DNAJC3: variants seen among roughly 807,000 people sequenced by gnomAD.
DNAJC3 encodes DnaJ heat shock protein family (Hsp40) member C3, also known as dnaJ homolog subfamily C member 3.
In DNAJC3, 38 loss-of-function variants were observed where a neutral mutation model predicts 68.6. That is an observed-to-expected ratio of 0.55 (90% CI 0.43 to 0.73). DNAJC3 has a LOEUF of 0.73. DNAJC3 is among the 30% of genes least tolerant of loss of function. The pLI is 0.00. For missense variants in DNAJC3, 526 were observed against 591.9 expected (o/e 0.89, Z 1.16); for synonymous variants, 203 against 204.0 (o/e 1.00, Z 0.04).
chr13:95,719,482 C>G (rs1881252407), intron 2 of DNAJC3, among the ~76,000 whole-genome samples: 1 of 152,164 alleles, frequency 6.6e-6, no homozygotes, highest in Admixed American at 6.5e-5. Flanking sequence ...ACTCAAAGTT[C>G]CAACCTTTTC....
intron 9 of DNAJC3, among the ~76,000 whole-genome samples, chr13:95,766,081 A>C (rs1019913474): frequency 3.9e-5 from 6 of 152,194 alleles, no homozygotes; most frequent in Admixed American, 1.3e-4. Context: ...AATCTTACTT[A>C]GCTAAATAAC....
At chr13:95,716,021 G>T (rs1881133646) in intron 2 of DNAJC3, among the ~76,000 whole-genome samples, 1 of 151,958 alleles carries the variant, frequency 6.6e-6, no homozygotes, top group Non-Finnish European at 1.5e-5. Flanking sequence ...AACCGGGCGT[G>T]GTGGCAGGTG....
intron 4 of DNAJC3, among the ~76,000 whole-genome samples, chr13:95,748,094 TG>T (rs2139664419): frequency 6.6e-6 from 1 of 152,336 alleles, no homozygotes; most frequent in Admixed American, 6.5e-5. Context: ...TGGTCTTCAT[TG>T]TTTACTATAT....
intron 2 of DNAJC3, among the ~76,000 whole-genome samples, chr13:95,719,684 T>C (rs1881258140): frequency 6.6e-6 from 1 of 152,232 alleles, no homozygotes; most frequent in African/African-American, 2.4e-5. Context: ...AGATTCCTTA[T>C]TTATGTAGAT....
chr13:95,749,339 G>A (rs1197783337), intron 4 of DNAJC3, among the ~76,000 whole-genome samples: 1 of 152,184 alleles, frequency 6.6e-6, no homozygotes, highest in Non-Finnish European at 1.5e-5. Context: ...CTGATGGTAA[G>A]ACTCCATCAA....
chr13:95,788,474 A>ACTAT (rs1423170233), intron 11 of DNAJC3, among the ~76,000 whole-genome samples: 15 of 152,240 alleles, frequency 9.9e-5, no homozygotes, highest in African/African-American at 3.6e-4. Context: ...TTCAGGATGA[A>ACTAT]CTATCTTTTC....
rs1229484950 is a variant in DNAJC3, at chr13:95,791,390, TACA to T, written c.*362_*364del. On this transcript the variant is annotated 3_prime_UTR_variant, in exon 12 of 12. Transcript: ENST00000602402. ...CAGCCTTGCAGAGTAAGTCAGTGCC[TACA>T]AGTGTAAGAAGGAGCTGTAATCTTC... 1.9e-5 allele frequency: 5 copies of T among 259,906 alleles called. No homozygotes were observed. Among genetic ancestry groups the T allele is most frequent in the South Asian group, 8.5e-5 (2 of 23,576 alleles). 16.1% of individuals were successfully genotyped at this position (259,906 alleles called of 1,614,324 possible).
intron 4 of DNAJC3, chr13:95,742,687 A>G (rs762227952): frequency 1.9e-6 from 1 of 518,902 alleles, no homozygotes; most frequent in East Asian, 5.5e-5. Flanking sequence ...TAGATGATCT[A>G]TACTTGCTAT....
chr13:95,727,664 C>T (rs765032608), intron 4 of DNAJC3, among the ~76,000 whole-genome samples: 4 of 152,058 alleles, frequency 2.6e-5, no homozygotes, highest in Admixed American at 6.6e-5. Flanking sequence ...TGAATTTATC[C>T]GTAGTGTAAA....
At chr13:95,709,396 CT>C (rs1054630445) in intron 2 of DNAJC3, 59 bp downstream of exon 2, 3 of 1,164,640 alleles carry the variant, frequency 2.6e-6, no homozygotes, top group Non-Finnish European at 2.4e-6. Context: ...AGTAATAGCT[CT>C]TTTTTTAAAA....
At chr13:95,686,682 G>T (rs1423388586) in intron 1 of DNAJC3, among the ~76,000 whole-genome samples, 1 of 152,102 alleles carries the variant, frequency 6.6e-6, no homozygotes, top group Non-Finnish European at 1.5e-5. Context: ...CAATCTGTTG[G>T]ATGTAAGTAT....
intron 9 of DNAJC3, among the ~76,000 whole-genome samples, chr13:95,779,743 G>A (rs907568289): frequency 3.3e-5 from 5 of 152,066 alleles, no homozygotes; most frequent in African/African-American, 7.2e-5. Context: ...GGAAGTGATT[G>A]GATTAAGTTA....
intron 1 of DNAJC3, among the ~76,000 whole-genome samples, chr13:95,696,693 A>G (rs1880449364): frequency 6.6e-6 from 1 of 151,198 alleles, no homozygotes; most frequent in African/African-American, 2.4e-5. Flanking sequence ...CTTTGAGTCT[A>G]TAGGTGTCTT....
chr13:95,726,109 A>G (rs936937246), intron 4 of DNAJC3, among the ~76,000 whole-genome samples: 66 of 151,854 alleles, frequency 4.3e-4, no homozygotes, highest in African/African-American at 1.4e-3. Context: ...AGTCTTTGCT[A>G]TTGTGAATAG....
intron 1 of DNAJC3, among the ~76,000 whole-genome samples, chr13:95,682,453 G>A (rs771978298): frequency 2.6e-5 from 4 of 151,934 alleles, no homozygotes; most frequent in East Asian, 1.9e-4. Flanking sequence ...TGTAACTCAC[G>A]TCATACCTTT....
intron 4 of DNAJC3, among the ~76,000 whole-genome samples, chr13:95,754,932 A>G (rs1882606496): frequency 6.6e-6 from 1 of 152,198 alleles, no homozygotes. Flanking sequence ...CTCAGTGACC[A>G]GGATACATAG....
intron 6 of DNAJC3, 136 bp from the exon 7 acceptor site, chr13:95,760,543 A>G (rs1271658028): frequency 1.8e-6 from 2 of 1,104,492 alleles, no homozygotes; most frequent in African/African-American, 1.6e-5. Context: ...ATAAATGTAT[A>G]TAGTAAATTA....
chr13:95,714,566 CGATGACTAACTCACCTTA>C (rs1233402521), intron 2 of DNAJC3, among the ~76,000 whole-genome samples: 1 of 152,168 alleles, frequency 6.6e-6, no homozygotes, highest in African/African-American at 2.4e-5. Flanking sequence ...GTTTGCATTT[CGATGACTAACTCACCTTA>C]AGAAATAGTG....
chr13:95,679,096 A>C (rs1160349482), intron 1 of DNAJC3, among the ~76,000 whole-genome samples: 2 of 151,576 alleles, frequency 1.3e-5, no homozygotes, highest in African/African-American at 2.4e-5. Context: ...GGTTTTACTA[A>C]AGTTCATTTT....
Sources: allele counts gnomAD v4.1 joint callset (sites outside exome capture counted in the v4.1 genomes callset), GRCh38; gene constraint gnomAD v4.1.1; transcripts MANE v1.5; gene names NCBI Gene and HGNC (gene_info 2026-07-23, HGNC 2026-07-21).